ERICH3: variants seen among roughly 807,000 people sequenced by gnomAD.
The protein encoded by ERICH3 is glutamate-rich protein 3.
In ERICH3, 126 loss-of-function variants were observed where a neutral mutation model predicts 131.1. The ratio of observed to expected loss-of-function variants is 0.96; its 90% CI spans 0.83 to 1.11. The LOEUF is 1.11. Ranked by LOEUF, ERICH3 falls within the 50% of genes most tolerant of loss-of-function variation. ERICH3 has a pLI of 0.00. For synonymous variants in ERICH3, 695 were observed against 644.6 expected (o/e 1.08, Z -1.18); for missense variants, 2,050 against 1,810.7 (o/e 1.13, Z -2.40).
chr1:74,606,950 A>T lies in ERICH3; in HGVS notation c.1188-48T>A, dbSNP rs537299394. On this transcript the variant is annotated intron_variant, in intron 9 of 14. Transcript: ENST00000326665. Reference sequence around the variant, plus strand: ...GTGTTTGTTAACCCTTGTAGACAGCACAATGGAACCTCAAAGCTTTTGAAA... The same window carrying T: ...GTGTTTGTTAACCCTTGTAGACAGCTCAATGGAACCTCAAAGCTTTTGAAA... 7 of 1,505,296 alleles carry T rather than the reference A, an allele frequency of 4.7e-6. No individual in the cohort carries two copies. In the South Asian group the frequency reaches 7.8e-5, roughly 17 times the overall value. 93.2% of individuals were successfully genotyped at this position (1,505,296 alleles called of 1,614,324 possible).
At chr1:74,597,095 C>T (rs1203838635) in intron 11 of ERICH3, among the ~76,000 whole-genome samples, 4 of 152,044 alleles carry the variant, frequency 2.6e-5, no homozygotes, top group Non-Finnish European at 4.4e-5. Context: ...TCACATATGC[C>T]TCTCACACTT....
chr1:74,673,036 T>C (rs371685158), intron 1 of ERICH3, among the ~76,000 whole-genome samples: 1 of 152,180 alleles, frequency 6.6e-6, no homozygotes, highest in Non-Finnish European at 1.5e-5. Flanking sequence ...CTTTTCCCAA[T>C]GAAACATCTT....
Position 74,612,664 on chromosome 1 carries a change from G to A in ERICH3, c.1146C>T (p.Tyr382=). 2 of 1,590,478 alleles carry A rather than the reference G, an allele frequency of 1.3e-6. No homozygotes were observed. The highest frequency in any genetic ancestry group is 2.2e-5 in the East Asian group (1 of 44,538). ...ATCTCTCAACACACACAAACCCAAA[G>A]TAGCCTCGTTTGCCTCCAAGCCTGG... is the stretch of plus-strand genomic sequence containing the variant. ...KGSRLGGKRG[Y]FGFVCVERSS... The change falls in exon 9 of 15, where the codon TAC becomes TAT. Residue 382 remains tyrosine (Y), a synonymous_variant. Coordinates refer to ENST00000326665, the MANE Select transcript of ERICH3 (RefSeq NM_001002912.5).
At chr1:74,622,058 C>G (rs961613426) in intron 7 of ERICH3, 1 of 152,288 alleles carries the variant, frequency 6.6e-6, no homozygotes, top group African/African-American at 2.4e-5. Flanking sequence ...CATGCATTTT[C>G]TAAAGAATAA....
intron 2 of ERICH3, among the ~76,000 whole-genome samples, chr1:74,648,618 A>G (rs1278637288): frequency 2.6e-5 from 4 of 152,142 alleles, no homozygotes; most frequent in African/African-American, 9.6e-5. Context: ...TAAGAAGGTA[A>G]ACAGCTAACA....
At chr1:74,622,533 A>C (rs545015303) in intron 7 of ERICH3, 5 of 152,362 alleles carry the variant, frequency 3.3e-5, no homozygotes, top group African/African-American at 1.2e-4. Context: ...CCCACTGCAC[A>C]ATCAGCAGAC....
At position 74,572,203 on chromosome 1, in the gene ERICH3, G is replaced by A. The variant is rs372660391; in HGVS notation, c.3507C>T (p.Asn1169=). The A allele has an allele frequency of 8.1e-6, 13 of 1,613,988 alleles. No individual in the cohort carries two copies. In the African/African-American group the frequency reaches 1.7e-4, roughly 22 times the overall value. Residue 1169 remains asparagine, a synonymous_variant, in exon 14 of 15, where the codon AAC becomes AAT. Coordinates refer to ENST00000326665, the MANE Select transcript of ERICH3 (RefSeq NM_001002912.5). The part of the protein sequence containing the change: ...ATPGFEKSLE[N]ITALRKEGGG... Reference sequence around the variant, plus strand: ...CTCCTTCTTTCCTCAGAGCTGTTATGTTTTCCAGCGACTTTTCAAATCCAG... The same window carrying A: ...CTCCTTCTTTCCTCAGAGCTGTTATATTTTCCAGCGACTTTTCAAATCCAG...
At chr1:74,663,794 A>G (rs1557705439) in intron 1 of ERICH3, among the ~76,000 whole-genome samples, 1 of 151,898 alleles carries the variant, frequency 6.6e-6, no homozygotes, top group African/African-American at 2.4e-5. Context: ...ATAATCACCT[A>G]CCTGTAGGAC....
rs1219500170 is a variant in ERICH3 at position 74,673,547 on chromosome 1, G to T, written c.-28C>A. ...TTGCAGGATCCCTTTTGGACCCCGCGGCAGGTGCGGAGGGTGGGTGCGTGG... is the reference window on the plus strand; with the variant it reads ...TTGCAGGATCCCTTTTGGACCCCGCTGCAGGTGCGGAGGGTGGGTGCGTGG... On this transcript the variant is annotated 5_prime_UTR_variant, in exon 1 of 15. Transcript: ENST00000326665. The T allele has an allele frequency of 1.2e-6, 2 of 1,609,896 alleles. No homozygotes were observed. The highest frequency in any genetic ancestry group is 1.1e-5 in the South Asian group (1 of 90,574).
intron 12 of ERICH3, among the ~76,000 whole-genome samples, chr1:74,578,806 A>C (rs916579068): frequency 2.6e-5 from 4 of 152,106 alleles, no homozygotes; most frequent in Non-Finnish European, 5.9e-5. Context: ...GCTTAGTTTA[A>C]AGTGAACTGC....
At chr1:74,575,664 A>G (rs569236824) in intron 13 of ERICH3, among the ~76,000 whole-genome samples, 135 of 152,354 alleles carry the variant, frequency 8.9e-4, no homozygotes, top group Non-Finnish European at 1.6e-3. Flanking sequence ...AAAAACATTT[A>G]AAGAAAGTCT....
chr1:74,590,486 C>T (rs1168417450), intron 11 of ERICH3, among the ~76,000 whole-genome samples: 1 of 152,202 alleles, frequency 6.6e-6, no homozygotes, highest in Non-Finnish European at 1.5e-5. Flanking sequence ...CAGTGGCAGA[C>T]CATCAGGCAT....
Position 74,576,942 on chromosome 1 carries a change from TAAAAAAAA to T in ERICH3, c.2177-14_2177-7del, listed in dbSNP as rs754818068. The stretch of plus-strand genomic sequence containing the variant: ...TAATGGCAATGAATCCTTTCCTAGT[TAAAAAAAA>T]AAAAAAGAAAAAAAAGGTCAAATGA... On this transcript the variant is annotated splice_polypyrimidine_tract_variant and splice_region_variant and intron_variant, in intron 12 of 14. Coordinates refer to ENST00000326665, the MANE Select transcript of ERICH3 (RefSeq NM_001002912.5). 1.5e-6 allele frequency: 2 copies of T among 1,376,276 alleles called. No individual in the cohort carries two copies. Among genetic ancestry groups the T allele is most frequent in the Admixed American group, 4.2e-5 (2 of 47,570 alleles). The allele number at this position is 1,376,276 out of a possible 1,614,324, so 85.3% of individuals were successfully genotyped here.
chr1:74,646,925 AAG>A (rs1302428841), intron 2 of ERICH3, 133 bp from the exon 3 acceptor site: 699 of 263,794 alleles, frequency 2.6e-3, no homozygotes, highest in Non-Finnish European at 3.3e-3. Context: ...CAGAGAGAGA[AAG>A]AGAGAGAGAG....
intron 1 of ERICH3, among the ~76,000 whole-genome samples, chr1:74,660,616 GTGTGTATATATATACACA>G (rs1012930904): frequency 4.9e-5 from 7 of 143,336 alleles, no homozygotes; most frequent in African/African-American, 1.3e-4. Context: ...TATATATATA[GTGTGTATATATATACACA>G]TGTGTATATA....
intron 12 of ERICH3, among the ~76,000 whole-genome samples, chr1:74,586,055 C>T (rs1647314826): frequency 6.6e-6 from 1 of 151,996 alleles, no homozygotes; most frequent in Non-Finnish European, 1.5e-5. Context: ...TCTATATTTC[C>T]TGGCTTTCAC....
intron 11 of ERICH3, among the ~76,000 whole-genome samples, chr1:74,594,902 G>T (rs1647776531): frequency 6.6e-6 from 1 of 151,996 alleles, no homozygotes; most frequent in African/African-American, 2.4e-5. Flanking sequence ...TTTATTAGCT[G>T]GAAGCACCTA....
chr1:74,646,643 T>C (rs767581347), intron 3 of ERICH3, 24 bp downstream of exon 3: 2 of 1,162,998 alleles, frequency 1.7e-6, no homozygotes, highest in African/African-American at 1.6e-5. Context: ...TAAAATAAAA[T>C]AAAAAATAAG....
chr1:74,597,334 C>A (rs764509419), intron 11 of ERICH3, among the ~76,000 whole-genome samples: 7 of 151,854 alleles, frequency 4.6e-5, no homozygotes, highest in Admixed American at 6.6e-5. Context: ...CCATAATCAG[C>A]AATGAGATTT....
Sources: allele counts gnomAD v4.1 joint callset (sites outside exome capture counted in the v4.1 genomes callset), GRCh38; gene constraint gnomAD v4.1.1; transcripts MANE v1.5; gene names NCBI Gene and HGNC (gene_info 2026-07-23, HGNC 2026-07-21).